ZNF804B: variants seen among roughly 807,000 people sequenced by gnomAD.
ZNF804B encodes zinc finger protein 804B.
ZNF804B carries 80 observed loss-of-function variants against 101.4 expected under a neutral mutation model. The ratio of observed to expected loss-of-function variants is 0.79; its 90% CI spans 0.66 to 0.95. The LOEUF (loss-of-function observed/expected upper bound fraction) is 0.95, where lower values mean the gene tolerates loss of function less well. ZNF804B is among the 40% of genes least tolerant of loss of function. The probability of loss-of-function intolerance (pLI) is 0.00; values close to 1 mark genes in which losing one functional copy is unlikely to be tolerated. For synonymous variants in ZNF804B, 622 were observed against 558.8 expected (o/e 1.11, Z -1.59); for missense variants, 1,673 against 1,561.9 (o/e 1.07, Z -1.20).
Position 88,961,501 on chromosome 7 carries a change from T to C in ZNF804B, c.108+201417T>C, listed in dbSNP as rs539942986. ...AGTATTTTTTCTGCATGACTATTTTTGAAGTTTTTATATCCCTAAATGCAG... is the reference window on the plus strand; with the variant it reads ...AGTATTTTTTCTGCATGACTATTTTCGAAGTTTTTATATCCCTAAATGCAG... On this transcript the variant is annotated intron_variant, in intron 1 of 3. Coordinates refer to ENST00000333190, the MANE Select transcript of ZNF804B (RefSeq NM_181646.5). Among the ~76,000 whole-genome samples, 21 of 151,524 alleles carry C rather than the reference T, an allele frequency of 1.4e-4. No individual in the cohort carries two copies. In the East Asian group the frequency reaches 3.7e-3, roughly 27 times the overall value.
chr7:88,769,874 C>T (rs531930027), intron 1 of ZNF804B, among the ~76,000 whole-genome samples: 1 of 152,014 alleles, frequency 6.6e-6, no homozygotes, highest in East Asian at 1.9e-4. Context: ...TAGGATGGGA[C>T]CACAGTATGT....
intron 1 of ZNF804B, among the ~76,000 whole-genome samples, chr7:88,875,909 A>C (rs577244312): frequency 1.1e-3 from 175 of 152,298 alleles, no homozygotes; most frequent in African/African-American, 3.9e-3. Flanking sequence ...CAAAAATCCT[A>C]AATAAAATAC....
intron 1 of ZNF804B, among the ~76,000 whole-genome samples, chr7:88,875,343 A>G (rs1791913806): frequency 6.6e-6 from 1 of 152,028 alleles, no homozygotes; most frequent in South Asian, 2.1e-4. Flanking sequence ...GACACAAAAA[A>G]CCCTTCAAAA....
intron 1 of ZNF804B, among the ~76,000 whole-genome samples, chr7:88,972,873 C>T (rs776407794): frequency 6.6e-6 from 1 of 151,330 alleles, no homozygotes; most frequent in Admixed American, 6.6e-5. Context: ...GTACATATAG[C>T]GTTATGAGTG....
Position 88,878,811 on chromosome 7 carries a change from C to G in ZNF804B, c.108+118727C>G, listed in dbSNP as rs146357007. Among the ~76,000 whole-genome samples the G allele has an allele frequency of 2.0e-3, 303 of 152,216 alleles. 1 individual carries two copies. Among genetic ancestry groups the G allele is most frequent in the African/African-American group, 6.7e-3 (277 of 41,550 alleles). ...TGCCTTTGTAAAACTTTAAATGTATCTAAATTTAGTGACTTAATTTAGTGA... is the reference window on the plus strand; with the variant it reads ...TGCCTTTGTAAAACTTTAAATGTATGTAAATTTAGTGACTTAATTTAGTGA... On this transcript the variant is annotated intron_variant, in intron 1 of 3. Coordinates refer to ENST00000333190, the MANE Select transcript of ZNF804B (RefSeq NM_181646.5).
intron 1 of ZNF804B, among the ~76,000 whole-genome samples, chr7:89,153,426 GATGATA>G (rs1217350160): frequency 5.6e-5 from 5 of 89,414 alleles, no homozygotes; most frequent in African/African-American, 2.0e-4. Context: ...TGATGATGAT[GATGATA>G]ATAATAATAA....
At chr7:89,309,931 C>T (rs1434735993) in intron 2 of ZNF804B, among the ~76,000 whole-genome samples, 1 of 151,886 alleles carries the variant, frequency 6.6e-6, no homozygotes, top group African/African-American at 2.4e-5. Flanking sequence ...GGACAAAACA[C>T]ATATTTATTT....
intron 1 of ZNF804B, among the ~76,000 whole-genome samples, chr7:89,015,942 C>G (rs1788548012): frequency 6.6e-6 from 1 of 151,728 alleles, no homozygotes; most frequent in East Asian, 1.9e-4. Context: ...AACTAGTTTA[C>G]AGTCCCACCA....
In ZNF804B at chr7:88,792,294, C is replaced by T. The variant is rs149305529; in HGVS notation, c.108+32210C>T. 1.8e-3 allele frequency among the ~76,000 whole-genome samples: 278 copies of T among 152,160 alleles called. 1 individual carries two copies. The highest frequency in any genetic ancestry group is 6.6e-3 in the African/African-American group (273 of 41,530). On this transcript the variant is annotated intron_variant, in intron 1 of 3. Coordinates refer to ENST00000333190, the MANE Select transcript of ZNF804B (RefSeq NM_181646.5). ...AAGGCATGTGGGATTGGATATATTGCAGTAACCATTTCTGGAAAATACAAT... is the reference window on the plus strand; with the variant it reads ...AAGGCATGTGGGATTGGATATATTGTAGTAACCATTTCTGGAAAATACAAT...
At chr7:88,863,764 G>A (rs1791684668) in intron 1 of ZNF804B, among the ~76,000 whole-genome samples, 1 of 152,144 alleles carries the variant, frequency 6.6e-6, no homozygotes, top group Non-Finnish European at 1.5e-5. Context: ...AGGGCCAGGT[G>A]GCAGAACTTT....
chr7:89,177,692 T>A (rs1243300725), intron 1 of ZNF804B, among the ~76,000 whole-genome samples: 1 of 152,192 alleles, frequency 6.6e-6, no homozygotes, highest in Non-Finnish European at 1.5e-5. Context: ...TGTTCAATGA[T>A]GAAAATGGGG....
chr7:89,336,187 G>A lies in ZNF804B; in HGVS notation c.3205G>A (p.Val1069Ile), dbSNP rs1266694501. 1 of 1,613,714 alleles carries A rather than the reference G, an allele frequency of 6.2e-7. No individual in the cohort carries two copies. Among genetic ancestry groups the A allele is most frequent in the Non-Finnish European group, 8.5e-7 (1 of 1,179,980 alleles). The change falls in exon 4 of 4, where the codon GTA becomes ATA. Residue 1069 changes from valine to isoleucine, a missense_variant. By Grantham distance (29) the Val-to-Ile change is conservative. Transcript: ENST00000333190. The part of the protein sequence containing the change: ...IQPFIQSCDP[V>I]PNEFPGAFPS... Reference sequence around the variant, plus strand: ...ACCTTTTATTCAAAGCTGTGACCCAGTACCAAATGAATTCCCTGGTGCTTT... The same window carrying A: ...ACCTTTTATTCAAAGCTGTGACCCAATACCAAATGAATTCCCTGGTGCTTT...
intron 1 of ZNF804B, among the ~76,000 whole-genome samples, chr7:89,011,703 A>T (rs1788464423): frequency 6.6e-6 from 1 of 152,164 alleles, no homozygotes; most frequent in African/African-American, 2.4e-5. Context: ...GGTCACACTG[A>T]TGAAATAAGT....
intron 1 of ZNF804B, among the ~76,000 whole-genome samples, chr7:88,840,000 G>A (rs762070116): frequency 6.6e-6 from 1 of 152,114 alleles, no homozygotes; most frequent in South Asian, 2.1e-4. Flanking sequence ...TGTTCTCCAG[G>A]TTTCTGAAAG....
At chr7:89,268,816 C>G (rs1230044547) in intron 2 of ZNF804B, among the ~76,000 whole-genome samples, 2 of 151,994 alleles carry the variant, frequency 1.3e-5, no homozygotes, top group African/African-American at 4.8e-5. Context: ...AAGGGATAAG[C>G]TTTCCTCATA....
intron 1 of ZNF804B, among the ~76,000 whole-genome samples, chr7:88,947,954 G>A (rs767925328): frequency 1.6e-4 from 24 of 152,004 alleles, no homozygotes; most frequent in South Asian, 4.2e-4. Flanking sequence ...TTATCTCTTT[G>A]TAAATTGTGT....
rs559449265 is a variant in ZNF804B, at chr7:89,233,140, A to C, written c.249+14845A>C. ...ACGGGGTTTCCCCGTGTTAGCCAGGATGGTCTCCATCTCCTGACCTCGTGA... is the reference window on the plus strand; with the variant it reads ...ACGGGGTTTCCCCGTGTTAGCCAGGCTGGTCTCCATCTCCTGACCTCGTGA... On this transcript the variant is annotated intron_variant, in intron 2 of 3. Coordinates refer to ENST00000333190, the MANE Select transcript of ZNF804B (RefSeq NM_181646.5). Among the ~76,000 whole-genome samples, 23 of 151,936 alleles carry C rather than the reference A, an allele frequency of 1.5e-4. No individual in the cohort carries two copies. In the South Asian group the frequency reaches 3.7e-3, roughly 25 times the overall value.
At chr7:88,947,977 A>G (rs184680713) in intron 1 of ZNF804B, among the ~76,000 whole-genome samples, 104 of 152,108 alleles carry the variant, frequency 6.8e-4, no homozygotes, top group Non-Finnish European at 1.3e-3. Context: ...TAATTTTCTT[A>G]ATAATATCTG....
intron 1 of ZNF804B, among the ~76,000 whole-genome samples, chr7:88,782,262 A>G (rs780597255): frequency 3.3e-5 from 5 of 152,014 alleles, no homozygotes; most frequent in Admixed American, 2.0e-4. Flanking sequence ...GTCCATGGGC[A>G]GCTCTATCAG....
Sources: gnomAD v4.1 joint callset for allele counts (sites outside exome capture counted in the v4.1 genomes callset) on GRCh38, gnomAD v4.1.1 for gene constraint, MANE v1.5 for transcripts, NCBI Gene and HGNC (gene_info 2026-07-23, HGNC 2026-07-21) for gene names.